Variants in CLIP4 observed in about 807,000 individuals in gnomAD.
CLIP4 encodes CAP-Gly domain-containing linker protein 4.
Under a neutral mutation model 73.1 loss-of-function variants are expected in CLIP4, and 47 were observed. That is an observed-to-expected ratio of 0.64 (90% CI 0.51 to 0.82). The LOEUF is 0.82. Ranked by LOEUF, CLIP4 falls within the 40% of genes least tolerant of loss-of-function variation. The pLI is 0.00. For missense variants in CLIP4, 874 were observed against 852.9 expected (o/e 1.02, Z -0.31); for synonymous variants, 306 against 295.4 (o/e 1.04, Z -0.37).
intron 6 of CLIP4, among the ~76,000 whole-genome samples, chr2:29,138,704 C>G (rs1338129992): frequency 1.3e-5 from 2 of 152,054 alleles, no homozygotes; most frequent in Non-Finnish European, 2.9e-5. Flanking sequence ...TTGTAGAGAT[C>G]TTCCATCTCC....
chr2:29,153,228 T>TA (rs1378943285), intron 9 of CLIP4, among the ~76,000 whole-genome samples: 1 of 152,114 alleles, frequency 6.6e-6, no homozygotes, highest in Non-Finnish European at 1.5e-5. Context: ...TCTTTATTGA[T>TA]AGAGTCTCAC....
rs576588988 is a variant in CLIP4 at position 29,152,538 on chromosome 2, G to A, written c.1022-147G>A. On this transcript the variant is annotated intron_variant, in intron 8 of 15. Coordinates refer to ENST00000320081, the MANE Select transcript of CLIP4 (RefSeq NM_024692.6). ...TAAGCTCTTTGAGGGTAAGTACTGT[G>A]TCTTACATTTTTTTTCCTCTCATCA... The A allele has an allele frequency of 5.6e-6, 4 of 709,884 alleles. No individual in the cohort carries two copies. In the East Asian group the frequency reaches 1.1e-4, roughly 20 times the overall value. 44.0% of individuals were successfully genotyped at this position (709,884 alleles called of 1,614,324 possible). A position where few individuals can be genotyped will look rare whatever the true frequency, so the allele number is the denominator to read the frequency against.
intron 8 of CLIP4, among the ~76,000 whole-genome samples, chr2:29,148,791 GAATATGAAACCC>G (rs1303875106): frequency 5.3e-5 from 8 of 152,190 alleles, no homozygotes; most frequent in African/African-American, 1.9e-4. Context: ...TATACTGAGA[GAATATGAAACCC>G]AATGTAGCAG....
chr2:29,167,755 G>A (rs1458747897), intron 14 of CLIP4: 10 of 393,780 alleles, frequency 2.5e-5, no homozygotes, highest in African/African-American at 1.5e-4. Context: ...CATCTCATCT[G>A]CCTTGCTCTT....
intron 11 of CLIP4, 101 bp downstream of exon 11, chr2:29,157,448 T>G (rs773338366): frequency 1.9e-6 from 3 of 1,583,952 alleles, no homozygotes; most frequent in Non-Finnish European, 2.6e-6. Flanking sequence ...AACCCTTTAC[T>G]TCAATCAGAT....
At chr2:29,130,657 T>C (rs1344974036) in intron 2 of CLIP4, 4 of 1,128,088 alleles carry the variant, frequency 3.5e-6, no homozygotes, top group African/African-American at 3.4e-5. Context: ...ACGAATGTTA[T>C]CACATTTCAG....
At chr2:29,166,249 A>AT (rs1667607249) in intron 13 of CLIP4, among the ~76,000 whole-genome samples, 1 of 152,094 alleles carries the variant, frequency 6.6e-6, no homozygotes, top group African/African-American at 2.4e-5. Flanking sequence ...GGACAGTCTT[A>AT]ATAAGGTAGT....
intron 15 of CLIP4, among the ~76,000 whole-genome samples, chr2:29,180,453 G>T (rs1482941923): frequency 1.4e-4 from 21 of 152,152 alleles, no homozygotes; most frequent in Non-Finnish European, 2.9e-5. Flanking sequence ...ATGTTATGTT[G>T]TAGGGAGAAG....
At chr2:29,130,898 T>C in intron 2 of CLIP4, 1 of 1,290,526 alleles carries the variant, frequency 7.7e-7, no homozygotes, top group Middle Eastern at 2.1e-4. Context: ...GTGAGTTACC[T>C]CAGCAAGTAG....
chr2:29,123,999 A>G (rs1405156571), intron 2 of CLIP4, among the ~76,000 whole-genome samples: 1 of 152,240 alleles, frequency 6.6e-6, no homozygotes, highest in African/African-American at 2.4e-5. Flanking sequence ...ATACCTTATT[A>G]TATATTTTGC....
chr2:29,143,600 A>T, intron 6 of CLIP4, 109 bp from the exon 7 acceptor site: 1 of 763,564 alleles, frequency 1.3e-6, no homozygotes, highest in South Asian at 1.7e-5. Context: ...GTTTTTGAAT[A>T]AACAAATGAT....
chr2:29,100,858 G>T (rs2148429842), intron 1 of CLIP4, among the ~76,000 whole-genome samples: 1 of 152,160 alleles, frequency 6.6e-6, no homozygotes, highest in Non-Finnish European at 1.5e-5. Flanking sequence ...TTGTATTAGG[G>T]TGCTTTAGAG....
intron 1 of CLIP4, among the ~76,000 whole-genome samples, chr2:29,101,983 A>G (rs756600427): frequency 1.3e-5 from 2 of 152,174 alleles, no homozygotes; most frequent in Non-Finnish European, 2.9e-5. Context: ...AGGAAAGCAA[A>G]CAGCTTAGGA....
intron 13 of CLIP4, 134 bp from the exon 14 acceptor site, chr2:29,167,342 C>T: frequency 2.1e-6 from 1 of 478,012 alleles, no homozygotes; most frequent in East Asian, 3.3e-5. Context: ...AAGTTCATTC[C>T]TGGCTTAAAA....
At chr2:29,174,284 A>G in intron 14 of CLIP4, 89 bp from the exon 15 acceptor site, 2 of 1,090,918 alleles carry the variant, frequency 1.8e-6, no homozygotes. Context: ...ATATAATAGA[A>G]CATCTACAGA....
intron 2 of CLIP4, 90 bp from the exon 3 acceptor site, chr2:29,131,168 T>C (rs1664943666): frequency 9.0e-7 from 1 of 1,109,472 alleles, no homozygotes; most frequent in African/African-American, 1.6e-5. Context: ...AATATTTGTA[T>C]CATTTGAACC....
At chr2:29,154,989 A>G (rs914458615) in intron 9 of CLIP4, among the ~76,000 whole-genome samples, 2 of 152,242 alleles carry the variant, frequency 1.3e-5, no homozygotes, top group African/African-American at 4.8e-5. Flanking sequence ...AATATTCAAA[A>G]GACACAAGAT....
intron 14 of CLIP4, among the ~76,000 whole-genome samples, chr2:29,172,387 T>C (rs1668068028): frequency 6.6e-6 from 1 of 152,180 alleles, no homozygotes; most frequent in Non-Finnish European, 1.5e-5. Flanking sequence ...TTTCCAATGA[T>C]AACTTTACTG....
intron 12 of CLIP4, among the ~76,000 whole-genome samples, chr2:29,161,208 A>G (rs1299075046): frequency 2.6e-5 from 4 of 152,200 alleles, no homozygotes; most frequent in African/African-American, 9.6e-5. Flanking sequence ...TCCCAAACTC[A>G]GGTGATCTGC....
Sources: gnomAD v4.1 joint callset for allele counts (sites outside exome capture counted in the v4.1 genomes callset) on GRCh38, gnomAD v4.1.1 for gene constraint, MANE v1.5 for transcripts, NCBI Gene and HGNC (gene_info 2026-07-23, HGNC 2026-07-21) for gene names.